The following PTPN14 variants were observed in gnomAD, a reference collection of about 807,000 sequenced individuals.
PTPN14 encodes the protein tyrosine-protein phosphatase non-receptor type 14.
Under a neutral mutation model 126.8 loss-of-function variants are expected in PTPN14, and 53 were observed. The ratio of observed to expected loss-of-function variants is 0.42; its 90% confidence interval spans 0.34 to 0.53. The LOEUF is 0.53. PTPN14 is among the 20% of genes least tolerant of loss of function. PTPN14 has a pLI of 0.08. For synonymous variants in PTPN14, 630 were observed against 599.3 expected (o/e 1.05, Z -0.75); for missense variants, 1,257 against 1,552.9 (o/e 0.81, Z 3.20).
intron 3 of PTPN14, among the ~76,000 whole-genome samples, chr1:214,434,021 A>G (rs974074512): frequency 6.6e-6 from 1 of 150,678 alleles, no homozygotes; most frequent in African/African-American, 2.4e-5. Context: ...GCTCCCAGTT[A>G]CTTGGGAGGC....
At chr1:214,541,325 T>C (rs1655830003) in intron 1 of PTPN14, among the ~76,000 whole-genome samples, 1 of 152,064 alleles carries the variant, frequency 6.6e-6, no homozygotes. Flanking sequence ...CTGAGAAATG[T>C]TTGGAGAAGG....
chr1:214,452,963 G>GC (rs1270500939), intron 2 of PTPN14, among the ~76,000 whole-genome samples: 4 of 152,210 alleles, frequency 2.6e-5, no homozygotes, highest in African/African-American at 9.6e-5. Context: ...CCAGCTGGCT[G>GC]CCCCCTCAAC....
chr1:214,364,876 G>A lies in PTPN14; in HGVS notation c.3272-201C>T, dbSNP rs972734319. 6.6e-6 allele frequency among the ~76,000 whole-genome samples: 1 copy of A among 151,630 alleles called. No homozygotes were observed. Among genetic ancestry groups the A allele is most frequent in the Non-Finnish European group, 1.5e-5 (1 of 67,958 alleles). On this transcript the variant is annotated intron_variant, in intron 17 of 18. Coordinates refer to ENST00000366956, the MANE Select transcript of PTPN14 (RefSeq NM_005401.5). The surrounding 1 kb of genome is among the most constrained non-coding windows in gnomAD (Gnocchi z 4.1). ...TGGCTGGTACCCAATGTACAGTCCT[G>A]GATCCAGACAGGACCAGCTGGGAGT...
intron 1 of PTPN14, among the ~76,000 whole-genome samples, chr1:214,534,743 A>AAATAAATAAAT (rs1487444233): frequency 2.9e-4 from 9 of 31,182 alleles, no homozygotes; most frequent in Non-Finnish European, 5.0e-4. Context: ...AATAAATAAA[A>AAATAAATAAAT]GACGGAATTA....
chr1:214,513,963 C>T (rs748574985), intron 1 of PTPN14, among the ~76,000 whole-genome samples: 3 of 152,150 alleles, frequency 2.0e-5, no homozygotes, highest in African/African-American at 4.8e-5. Flanking sequence ...AGCAGGATTG[C>T]AAGAAAAATA....
chr1:214,369,995 G>A (rs1658177957), intron 16 of PTPN14, among the ~76,000 whole-genome samples: 1 of 152,182 alleles, frequency 6.6e-6, no homozygotes, highest in Non-Finnish European at 1.5e-5. Context: ...AAGAAACAAA[G>A]GTCAGCCGGG....
At chr1:214,485,632 A>T (rs1571614297) in intron 1 of PTPN14, among the ~76,000 whole-genome samples, 1 of 152,214 alleles carries the variant, frequency 6.6e-6, no homozygotes, top group African/African-American at 2.4e-5. Context: ...AGTAATACAG[A>T]GGCGAATGTA....
At chr1:214,372,114 T>A (rs1658231550) in intron 16 of PTPN14, 2 of 152,482 alleles carry the variant, frequency 1.3e-5, no homozygotes, top group African/African-American at 2.4e-5. Context: ...CTGGATTGAC[T>A]GGCAGTGTAG....
At chr1:214,531,231 TACTACTGTTC>T (rs1203809984) in intron 1 of PTPN14, 1 of 152,172 alleles carries the variant, frequency 6.6e-6, no homozygotes, top group Admixed American at 6.6e-5. Context: ...CACCAGCAAC[TACTACTGTTC>T]AAATAAACTC....
At chr1:214,403,518 C>T (rs1374987662) in intron 5 of PTPN14, among the ~76,000 whole-genome samples, 2 of 152,158 alleles carry the variant, frequency 1.3e-5, no homozygotes, top group African/African-American at 4.8e-5. Context: ...AGTTGCGTAG[C>T]TGACTAGTCA....
At chr1:214,515,948 A>G (rs1655093210) in intron 1 of PTPN14, among the ~76,000 whole-genome samples, 1 of 152,188 alleles carries the variant, frequency 6.6e-6, no homozygotes, top group Non-Finnish European at 1.5e-5. Context: ...AAAAACTGCA[A>G]TTGGGCTGAT....
intron 1 of PTPN14, among the ~76,000 whole-genome samples, chr1:214,548,134 T>C (rs1055004544): frequency 6.6e-6 from 1 of 152,122 alleles, no homozygotes; most frequent in Non-Finnish European, 1.5e-5. Flanking sequence ...ACCAGATCCA[T>C]TTTGCAGATG....
chr1:214,391,304 T>C (rs553812750), intron 10 of PTPN14, among the ~76,000 whole-genome samples: 9 of 152,112 alleles, frequency 5.9e-5, no homozygotes, highest in Admixed American at 2.0e-4. Context: ...CTTATTTCTA[T>C]AGAAAGACTG....
chr1:214,423,402 TC>T (rs1408051865), intron 3 of PTPN14, among the ~76,000 whole-genome samples: 5 of 152,146 alleles, frequency 3.3e-5, no homozygotes, highest in Admixed American at 3.3e-4. Context: ...TAGGCACACT[TC>T]CGGTGACCAC....
chr1:214,445,481 T>C (rs1660122520), intron 3 of PTPN14, among the ~76,000 whole-genome samples: 1 of 151,922 alleles, frequency 6.6e-6, no homozygotes, highest in South Asian at 2.1e-4. Flanking sequence ...TTAGGACAAT[T>C]AGAAGCTCCT....
chr1:214,533,016 A>T, intron 1 of PTPN14: 1 of 754,246 alleles, frequency 1.3e-6, no homozygotes, highest in Non-Finnish European at 2.4e-6. Flanking sequence ...AGAGCACCAC[A>T]GTGGTCACCA....
rs193221205 is a variant in PTPN14, at chr1:214,467,235, A to C, written c.-154-2278T>G. ...CAAAATTCAAATAGACAGCCCTTAGATGTTTACTACTCATGAATTCCCCTC... is the reference window on the plus strand; with the variant it reads ...CAAAATTCAAATAGACAGCCCTTAGCTGTTTACTACTCATGAATTCCCCTC... On this transcript the variant is annotated intron_variant, in intron 1 of 18. Coordinates refer to ENST00000366956, the MANE Select transcript of PTPN14 (RefSeq NM_005401.5). Among the ~76,000 whole-genome samples, 295 of 151,122 alleles carry C rather than the reference A, an allele frequency of 2.0e-3. 1 individual carries two copies. Among genetic ancestry groups the C allele is most frequent in the Non-Finnish European group, 3.3e-3 (223 of 67,714 alleles).
At chr1:214,520,047 C>CAAAA (rs1183768381) in intron 1 of PTPN14, among the ~76,000 whole-genome samples, 54 of 80,734 alleles carry the variant, frequency 6.7e-4, no homozygotes, top group African/African-American at 1.6e-3. Context: ...AACCCTGTCT[C>CAAAA]AAAAAAAAAA....
Position 214,376,264 on chromosome 1 carries a change from TG to T in PTPN14, c.2861del (p.Pro954GlnfsTer27). On this transcript the variant is annotated frameshift_variant, in exon 15 of 19. Transcript: ENST00000366956. LOFTEE classifies it high-confidence loss of function. ...PYEENRVELIPTKENNTGYIN... is the reference protein window; with the variant it reads ...PYEENRVELIXTKENNTGYIN... ...TGTATCCTGTGTTATTTTCTTTGGT[TG>T]GTATCAGCTCTACTCGATTCTCCTC... 1 of 1,614,238 alleles carries T rather than the reference TG, an allele frequency of 6.2e-7. No homozygotes were observed. The highest frequency in any genetic ancestry group is 8.5e-7 in the Non-Finnish European group (1 of 1,180,038).
Sources: gnomAD v4.1 joint callset for allele counts (sites outside exome capture counted in the v4.1 genomes callset) on GRCh38, gnomAD v4.1.1 for gene constraint, Gnocchi (gnomAD v3.1) non-coding constraint, MANE v1.5 for transcripts, NCBI Gene and HGNC (gene_info 2026-07-23, HGNC 2026-07-21) for gene names.